Variants in POLR3C observed in about 807,000 individuals in gnomAD.
POLR3C encodes DNA-directed RNA polymerase III subunit RPC3.
In POLR3C, 44 loss-of-function variants were observed where a neutral mutation model predicts 65.9. That is an observed-to-expected ratio of 0.67 (90% CI 0.52 to 0.86). The LOEUF is 0.86. POLR3C is among the 40% of genes least tolerant of loss of function. The probability of loss-of-function intolerance (pLI) is 0.00; values close to 1 mark genes in which losing one functional copy is unlikely to be tolerated. For synonymous variants in POLR3C, 263 were observed against 231.6 expected, an observed-to-expected ratio of 1.14 and a Z score of -1.23; for missense variants, 576 against 653.2, an observed-to-expected ratio of 0.88 and a Z score of 1.29.
chr1:145,836,860 G>A lies in POLR3C; in HGVS notation c.1003G>A (p.Val335Ile). Residue 335 changes from valine (V) to isoleucine (I), a missense_variant, in exon 9 of 15, where the codon GTC becomes ATC. Val to Ile is a conservative substitution (Grantham distance 29, BLOSUM62 3). Coordinates refer to ENST00000334163, the MANE Select transcript of POLR3C (RefSeq NM_006468.8). ...KSGDSGGGMYVINLHKALASL... is the reference protein window; with the variant it reads ...KSGDSGGGMYIINLHKALASL... Reference sequence around the variant, plus strand: ...TGGCGACAGTGGTGGAGGAATGTATGTCATCAGTATCCTTACCAGTTATTT... The same window carrying A: ...TGGCGACAGTGGTGGAGGAATGTATATCATCAGTATCCTTACCAGTTATTT... 6.4e-7 allele frequency: 1 copy of A among 1,569,950 alleles called. No individual in the cohort carries two copies. The highest frequency in any genetic ancestry group is 1.1e-5 in the South Asian group (1 of 89,752).
chr1:145,843,859 C>G lies in POLR3C; in HGVS notation c.*1439C>G, dbSNP rs931509735. The stretch of plus-strand genomic sequence containing the variant: ...AAAGAACAATCCAACTTAAAAATGG[C>G]CAAAAGATCTTAATAGGTAGTTTTC... On this transcript the variant is annotated 3_prime_UTR_variant, in exon 15 of 15. Transcript: ENST00000334163. 6.6e-6 allele frequency among the ~76,000 whole-genome samples: 1 copy of G among 152,068 alleles called. No homozygotes were observed. Among genetic ancestry groups the G allele is most frequent in the Non-Finnish European group, 1.5e-5 (1 of 68,002 alleles).
In POLR3C at chr1:145,838,222, C is replaced by T. The variant is rs755101133; in HGVS notation, c.1221+16C>T. ...GTCACTCCAGGTAACCAACCAAGGG[C>T]GTAATAATTGCCAACCAGCAAAGCT... On this transcript the variant is annotated intron_variant, in intron 11 of 14. Transcript: ENST00000334163. 3.1e-6 allele frequency: 5 copies of T among 1,606,576 alleles called. No individual in the cohort carries two copies. Among genetic ancestry groups the T allele is most frequent in the Admixed American group, 3.3e-5 (2 of 59,822 alleles).
intron 5 of POLR3C, among the ~76,000 whole-genome samples, chr1:145,832,883 G>T (rs587712269): frequency 6.6e-6 from 1 of 152,028 alleles, no homozygotes; most frequent in Non-Finnish European, 1.5e-5. Flanking sequence ...TTAGCCTAGC[G>T]CAGTGGTGGT....
chr1:145,825,728 A>G (rs372053636), intron 1 of POLR3C, 29 bp from the exon 2 acceptor site: 28 of 1,506,554 alleles, frequency 1.9e-5, no homozygotes, highest in South Asian at 2.3e-5. Context: ...AAGACTTTCT[A>G]TTGTACCATT....
At chr1:145,832,882 C>T (rs948722129) in intron 5 of POLR3C, among the ~76,000 whole-genome samples, 6 of 152,032 alleles carry the variant, frequency 3.9e-5, no homozygotes, top group African/African-American at 4.8e-5. Context: ...ATTAGCCTAG[C>T]GCAGTGGTGG....
intron 5 of POLR3C, 142 bp downstream of exon 5, chr1:145,828,979 T>C (rs1651064267): frequency 5.1e-6 from 3 of 587,140 alleles, no homozygotes; most frequent in Non-Finnish European, 6.1e-6. Flanking sequence ...AGGAATAGAC[T>C]AACAAAGAAT....
chr1:145,827,820 C>G (rs975979123), intron 4 of POLR3C, among the ~76,000 whole-genome samples: 11 of 150,382 alleles, frequency 7.3e-5, no homozygotes, highest in African/African-American at 2.4e-4. Flanking sequence ...CCCAGCTACT[C>G]GGGAGGCTGG....
At chr1:145,838,303 T>G in intron 11 of POLR3C, 97 bp downstream of exon 11, 2 of 900,116 alleles carry the variant, frequency 2.2e-6, no homozygotes, top group Non-Finnish European at 3.6e-6. Flanking sequence ...AAGCAAACTC[T>G]ATATCCAGCT....
In POLR3C at chr1:145,826,957, G is replaced by A; in HGVS notation, c.541G>A (p.Val181Ile). ...PGPPPPAPTL[V>I]INEKDMYLVP... ...GCCACCACCACCTGCCCCCACACTT[G>A]TCATTAATGAAAAGGACATGTACCT... Residue 181 changes from valine (V) to isoleucine (I), a missense_variant, in exon 4 of 15, where the codon GTC (valine) becomes ATC (isoleucine). Coordinates refer to ENST00000334163, the MANE Select transcript of POLR3C (RefSeq NM_006468.8). 6.2e-7 allele frequency: 1 copy of A among 1,612,766 alleles called. No homozygotes were observed. Among genetic ancestry groups the A allele is most frequent in the Non-Finnish European group, 8.5e-7 (1 of 1,179,718 alleles).
In POLR3C at chr1:145,836,831, A is replaced by G. The variant is rs146808671; in HGVS notation, c.974A>G (p.Lys325Arg). The change falls in exon 9 of 15, where the codon AAG becomes AGG. Residue 325 changes from lysine (K) to arginine (R), a missense_variant. Coordinates refer to ENST00000334163, the MANE Select transcript of POLR3C (RefSeq NM_006468.8). ...TCTTAATAGCTAGAGTTTGTTGGAAAGTCTGGCGACAGTGGTGGAGGAATG... is the reference window on the plus strand; with the variant it reads ...TCTTAATAGCTAGAGTTTGTTGGAAGGTCTGGCGACAGTGGTGGAGGAATG... Reference protein sequence around the residue: ...LADDPLEFVGKSGDSGGGMYV... With the variant: ...LADDPLEFVGRSGDSGGGMYV... 1 of 1,595,298 alleles carries G rather than the reference A, an allele frequency of 6.3e-7. No individual in the cohort carries two copies. The highest frequency in any genetic ancestry group is 8.6e-7 in the Non-Finnish European group (1 of 1,164,326).
chr1:145,842,463 A>G lies in POLR3C; in HGVS notation c.*43A>G. 1.5e-6 allele frequency: 2 copies of G among 1,291,104 alleles called. No homozygotes were observed. The highest frequency in any genetic ancestry group is 1.1e-6 in the Non-Finnish European group (1 of 887,282). The allele number at this position is 1,291,104 out of a possible 1,614,324, so 80.0% of individuals were successfully genotyped here. A position where few individuals can be genotyped will look rare whatever the true frequency, so the allele number is the denominator to read the frequency against. On this transcript the variant is annotated 3_prime_UTR_variant, in exon 15 of 15. Coordinates refer to ENST00000334163, the MANE Select transcript of POLR3C (RefSeq NM_006468.8). The stretch of plus-strand genomic sequence containing the variant: ...CCTCAGAAGATCTGGGGGGATGGAA[A>G]GCAAAATAAAGGAGGTGCCTGGATG...
At chr1:145,840,822 C>A (rs1395458174) in intron 13 of POLR3C, 100 bp from the exon 14 acceptor site, 1 of 760,330 alleles carries the variant, frequency 1.3e-6, no homozygotes, top group Non-Finnish European at 2.2e-6. Flanking sequence ...CTACTTTGAT[C>A]AGGAAAATGG....
rs58596799 is a variant in POLR3C at position 145,842,809 on chromosome 1, A to AGATAGATAGATAGATAGATAGATAGAT, written c.*397_*398insGATAGATAGATAGATAGATGATAGATA. Among the ~76,000 whole-genome samples, 529 of 151,926 alleles carry AGATAGATAGATAGATAGATAGATAGAT rather than the reference A, an allele frequency of 3.5e-3. 12 individuals are homozygous for AGATAGATAGATAGATAGATAGATAGAT. The highest frequency in any genetic ancestry group is 0.012 in the African/African-American group (505 of 41,296). ...TGAGATAGGTGATAGATAGATAGAT[A>AGATAGATAGATAGATAGATAGATAGAT]GATAGATAATTTGTTGTTGTTGAGA... On this transcript the variant is annotated 3_prime_UTR_variant, in exon 15 of 15. Transcript: ENST00000334163.
At chr1:145,836,363 A>C (rs1013561020) in intron 7 of POLR3C, 131 bp from the exon 8 acceptor site, 3 of 659,544 alleles carry the variant, frequency 4.5e-6, no homozygotes, top group Non-Finnish European at 5.4e-6. Context: ...AAAGTGATCC[A>C]CCTGCCTCAG....
chr1:145,826,364 C>A, intron 2 of POLR3C, 90 bp from the exon 3 acceptor site: 1 of 1,082,236 alleles, frequency 9.2e-7, no homozygotes, highest in Non-Finnish European at 1.4e-6. Flanking sequence ...TTTTCTGATG[C>A]TTACTAAGCT....
At chr1:145,841,383 C>T (rs1652283093) in intron 14 of POLR3C, among the ~76,000 whole-genome samples, 3 of 152,292 alleles carry the variant, frequency 2.0e-5, no homozygotes, top group Admixed American at 2.0e-4. Flanking sequence ...GCCTCAGCCT[C>T]CCAAGTAGCT....
At chr1:145,836,945 G>A (rs1440684460) in intron 9 of POLR3C, 79 bp downstream of exon 9, 3 of 736,286 alleles carry the variant, frequency 4.1e-6, no homozygotes, top group East Asian at 5.4e-5. Context: ...AGAAAGATTT[G>A]GTAATGTTTA....
At chr1:145,836,011 A>C (rs1440795751) in intron 7 of POLR3C, among the ~76,000 whole-genome samples, 1 of 150,814 alleles carries the variant, frequency 6.6e-6, no homozygotes, top group Admixed American at 6.6e-5. Context: ...GCTATATTTT[A>C]TTTTAGTGTA....
chr1:145,843,144 G>C lies in POLR3C; in HGVS notation c.*724G>C, dbSNP rs1160015233. Among the ~76,000 whole-genome samples, 2 of 152,174 alleles carry C rather than the reference G, an allele frequency of 1.3e-5. No homozygotes were observed. The highest frequency in any genetic ancestry group is 4.8e-5 in the African/African-American group (2 of 41,450). Reference sequence around the variant, plus strand: ...GTTAGCAGGTGGATTGTCCCAAGCAGTCACACTAGAATCTGTGGACTGAAG... The same window carrying C: ...GTTAGCAGGTGGATTGTCCCAAGCACTCACACTAGAATCTGTGGACTGAAG... On this transcript the variant is annotated 3_prime_UTR_variant, in exon 15 of 15. Coordinates refer to ENST00000334163, the MANE Select transcript of POLR3C (RefSeq NM_006468.8).
Sources: gnomAD v4.1 joint callset for allele counts (sites outside exome capture counted in the v4.1 genomes callset) on GRCh38, gnomAD v4.1.1 for gene constraint, MANE v1.5 for transcripts, NCBI Gene and HGNC (gene_info 2026-07-23, HGNC 2026-07-21) for gene names.